The following TRPC6 variants were observed in gnomAD, a reference collection of about 807,000 sequenced individuals.
TRPC6 encodes transient receptor potential cation channel subfamily C member 6.
In TRPC6, 55 loss-of-function variants were observed where a neutral mutation model predicts 90.7. That is an observed-to-expected ratio of 0.61 (90% CI 0.49 to 0.76). The LOEUF (loss-of-function observed/expected upper bound fraction) is 0.76. Among genes scored for constraint, TRPC6 ranks in the 30% least tolerant of loss-of-function variants. The pLI, the probability that TRPC6 is intolerant of heterozygous loss-of-function variation, is 0.00. For synonymous variants in TRPC6, 393 were observed against 393.0 expected (o/e 1.00, Z 0.00); for missense variants, 989 against 1,122.7 (o/e 0.88, Z 1.70).
chr11:101,548,476 A>ATATATATATC (rs1555011220), intron 1 of TRPC6, among the ~76,000 whole-genome samples: 27 of 112,130 alleles, frequency 2.4e-4, no homozygotes, highest in Admixed American at 4.0e-4. Flanking sequence ...ATATATATAT[A>ATATATATATC]TCTCTCTCTC....
chr11:101,460,476 G>T (rs1858980208), intron 10 of TRPC6, among the ~76,000 whole-genome samples: 1 of 152,062 alleles, frequency 6.6e-6, no homozygotes, highest in Admixed American at 6.6e-5. Context: ...TATTTTTGAT[G>T]TTTTTATTTA....
chr11:101,576,139 T>G (rs928504379), intron 1 of TRPC6, among the ~76,000 whole-genome samples: 1 of 152,202 alleles, frequency 6.6e-6, no homozygotes, highest in Admixed American at 6.5e-5. Context: ...ATTTCTAAAT[T>G]TCAGCATTGT....
intron 1 of TRPC6, among the ~76,000 whole-genome samples, chr11:101,515,300 T>C (rs999595250): frequency 6.6e-6 from 1 of 152,224 alleles, no homozygotes; most frequent in Admixed American, 6.5e-5. Context: ...GTTTTTTTTG[T>C]TCGTTTGTTT....
At position 101,471,283 on chromosome 11, in the gene TRPC6, G is replaced by C; in HGVS notation, c.2309C>G (p.Pro770Arg). ...CAGTAAGAGATAAAACAGGGACTTT[G>C]GACTCGGCACCAGATTGAAGGGTAC... ...LPVPFNLVPS[P>R]KSLFYLLLKL... Residue 770 changes from proline (P) to arginine (R), a missense_variant, in exon 9 of 13, where the codon CCA (proline) becomes CGA (arginine). Transcript: ENST00000344327. 1 of 1,613,936 alleles carries C rather than the reference G, an allele frequency of 6.2e-7. No individual in the cohort carries two copies. Among genetic ancestry groups the C allele is most frequent in the Non-Finnish European group, 8.5e-7 (1 of 1,179,884 alleles).
At chr11:101,469,733 T>G (rs879396577) in intron 9 of TRPC6, among the ~76,000 whole-genome samples, 8 of 152,104 alleles carry the variant, frequency 5.3e-5, no homozygotes, top group Non-Finnish European at 1.0e-4. Flanking sequence ...TTAAGTAAAA[T>G]AAAGGAAGGG....
At chr11:101,550,195 A>C (rs1311528724) in intron 1 of TRPC6, among the ~76,000 whole-genome samples, 1 of 151,588 alleles carries the variant, frequency 6.6e-6, no homozygotes, top group Non-Finnish European at 1.5e-5. Context: ...ATGCCCAACA[A>C]TTACAAAATC....
intron 1 of TRPC6, among the ~76,000 whole-genome samples, chr11:101,509,324 C>T (rs907389873): frequency 2.6e-5 from 4 of 151,890 alleles, no homozygotes; most frequent in Admixed American, 6.6e-5. Flanking sequence ...GTATCAAACT[C>T]GTGGGCTCAA....
At chr11:101,482,753 A>T (rs1410902266) in intron 5 of TRPC6, among the ~76,000 whole-genome samples, 196 bp downstream of exon 5, 1 of 152,196 alleles carries the variant, frequency 6.6e-6, no homozygotes, top group Non-Finnish European at 1.5e-5. Flanking sequence ...CAAAAGGCGC[A>T]CAGCATGCGA....
intron 12 of TRPC6, among the ~76,000 whole-genome samples, chr11:101,453,307 A>G (rs1224708151): frequency 6.6e-6 from 1 of 152,202 alleles, no homozygotes; most frequent in East Asian, 1.9e-4. Context: ...TAGCAGAATG[A>G]TAACAAAAGC....
intron 1 of TRPC6, among the ~76,000 whole-genome samples, chr11:101,560,590 G>T (rs1341770964): frequency 6.6e-6 from 1 of 152,034 alleles, no homozygotes; most frequent in Admixed American, 6.6e-5. Context: ...CATAGCCACT[G>T]CCCTGAAATA....
At chr11:101,493,209 T>C (rs1371659928) in intron 2 of TRPC6, among the ~76,000 whole-genome samples, 19 of 152,172 alleles carry the variant, frequency 1.2e-4, no homozygotes, top group Admixed American at 1.2e-3. Flanking sequence ...AGAATTGTCT[T>C]GGGCCACACA....
At chr11:101,473,379 C>G (rs946941617) in intron 7 of TRPC6, 130 bp downstream of exon 7, 23 of 1,026,130 alleles carry the variant, frequency 2.2e-5, no homozygotes, top group Non-Finnish European at 3.3e-5. Context: ...AAAATCCCCT[C>G]ATTTTGCAAA....
At chr11:101,583,224 G>T in intron 1 of TRPC6, 110 bp downstream of exon 1, 1 of 1,474,498 alleles carries the variant, frequency 6.8e-7, no homozygotes, top group East Asian at 2.5e-5. Flanking sequence ...GTCCTAGGAG[G>T]TACACACGCG....
chr11:101,525,647 C>A (rs1025270223), intron 1 of TRPC6, among the ~76,000 whole-genome samples: 1 of 152,138 alleles, frequency 6.6e-6, no homozygotes. Context: ...TTTTGGAACT[C>A]AAAGTATTTT....
At chr11:101,484,626 TGTGTGTGTGTA>T (rs2136693872) in intron 4 of TRPC6, among the ~76,000 whole-genome samples, 1 of 150,600 alleles carries the variant, frequency 6.6e-6, no homozygotes, top group Non-Finnish European at 1.5e-5. Context: ...TGTGTGTGTG[TGTGTGTGTGTA>T]TGAGTGCAGT....
intron 5 of TRPC6, among the ~76,000 whole-genome samples, chr11:101,479,962 T>A (rs7925826): frequency 6.6e-6 from 1 of 152,156 alleles, no homozygotes; most frequent in African/African-American, 2.4e-5. Flanking sequence ...GCAGATCACC[T>A]GAGGTTGGAA....
chr11:101,486,603 A>G (rs1414651196), intron 4 of TRPC6, among the ~76,000 whole-genome samples: 1 of 152,178 alleles, frequency 6.6e-6, no homozygotes, highest in African/African-American at 2.4e-5. Context: ...AGTAGAAGAA[A>G]GAGAGCAAGT....
intron 1 of TRPC6, among the ~76,000 whole-genome samples, chr11:101,516,033 T>C (rs1027658114): frequency 3.3e-5 from 5 of 151,094 alleles, no homozygotes; most frequent in African/African-American, 1.2e-4. Context: ...AGATCACTCC[T>C]GAACAGGCAT....
chr11:101,507,678 AT>A lies in TRPC6; in HGVS notation c.171-2881del, dbSNP rs1860306585. Among the ~76,000 whole-genome samples the A allele has an allele frequency of 4.6e-5, 7 of 152,126 alleles. No homozygotes were observed. The South Asian group carries it at 1.4e-3, about 31-fold the overall frequency. ...AATTTTGGAGGCCTTGCTCTAATAA[AT>A]TATAGTTTTGTGGCTACTATTGAGA... On this transcript the variant is annotated intron_variant, in intron 1 of 12. Coordinates refer to ENST00000344327, the MANE Select transcript of TRPC6 (RefSeq NM_004621.6).
Sources: allele counts gnomAD v4.1 joint callset (sites outside exome capture counted in the v4.1 genomes callset), GRCh38; gene constraint gnomAD v4.1.1; transcripts MANE v1.5; gene names NCBI Gene and HGNC (gene_info 2026-07-23, HGNC 2026-07-21).